Variants in FRK observed in about 807,000 individuals in gnomAD.
FRK encodes the protein tyrosine-protein kinase FRK.
A neutral mutation model predicts 56.4 loss-of-function variants in FRK; 51 were observed. That is an observed-to-expected ratio of 0.90 (90% CI 0.72 to 1.14). FRK has a LOEUF of 1.14. Among genes scored for constraint, FRK ranks in the 50% most tolerant of loss-of-function variants. FRK has a pLI of 0.00. For missense variants in FRK, 570 were observed against 601.4 expected, an observed-to-expected ratio of 0.95 and a Z score of 0.55; for synonymous variants, 245 against 217.9, an observed-to-expected ratio of 1.12 and a Z score of -1.10.
At chr6:116,096,189 A>G in the FRK span, among the ~76,000 whole-genome samples, 8 of 152,200 alleles carry the variant, frequency 5.3e-5, no homozygotes, top group African/African-American at 1.9e-4. Flanking sequence ...TGGCCTAAAG[A>G]GTTCCCCTCT....
chr6:116,063,270 C>A (rs1156343598), upstream of FRK, among the ~76,000 whole-genome samples: 1 of 152,094 alleles, frequency 6.6e-6, no homozygotes, highest in Non-Finnish European at 1.5e-5. Flanking sequence ...ATGTTTATTG[C>A]AGCACTATTC....
intron 2 of FRK, among the ~76,000 whole-genome samples, chr6:115,981,061 C>A (rs1009263668): frequency 6.6e-6 from 1 of 152,022 alleles, no homozygotes; most frequent in East Asian, 1.9e-4. Context: ...AAAAGATAAT[C>A]AAATGACACG....
chr6:115,996,813 A>G (rs984990591), intron 2 of FRK, among the ~76,000 whole-genome samples: 4 of 152,144 alleles, frequency 2.6e-5, no homozygotes, highest in African/African-American at 9.7e-5. Context: ...GCATATTTTT[A>G]CCTACAATGA....
intron 4 of FRK, among the ~76,000 whole-genome samples, chr6:115,966,177 C>T (rs1773568216): frequency 1.3e-5 from 2 of 151,562 alleles, no homozygotes; most frequent in Middle Eastern, 3.4e-3. Context: ...TCACTTAATT[C>T]TTAACTACAA....
intron 4 of FRK, among the ~76,000 whole-genome samples, chr6:115,958,097 A>C (rs1773082493): frequency 6.6e-6 from 1 of 152,356 alleles, no homozygotes; most frequent in Non-Finnish European, 1.5e-5. Flanking sequence ...TCTGAGCTCC[A>C]TCAATTCCAT....
chr6:116,047,834 G>C (rs1212867602), intron 1 of FRK, among the ~76,000 whole-genome samples: 6 of 152,238 alleles, frequency 3.9e-5, no homozygotes, highest in African/African-American at 1.4e-4. Flanking sequence ...CAATGTGCAA[G>C]TGCTTTTTAA....
chr6:115,998,520 A>G (rs1235789702), intron 2 of FRK, among the ~76,000 whole-genome samples: 2 of 152,138 alleles, frequency 1.3e-5, no homozygotes, highest in African/African-American at 4.8e-5. Context: ...AACACCAGAA[A>G]AACTCACAAC....
chr6:116,039,261 T>A (rs775486891), intron 1 of FRK: 60 of 1,491,752 alleles, frequency 4.0e-5, no homozygotes, highest in Non-Finnish European at 5.3e-5. Context: ...TGTGGGCCAT[T>A]GGTACCAGCA....
intron 1 of FRK, among the ~76,000 whole-genome samples, chr6:116,029,650 A>G (rs180938374): frequency 8.6e-4 from 131 of 152,252 alleles, no homozygotes; most frequent in Admixed American, 1.2e-3. Flanking sequence ...ATTTACATTA[A>G]CTATTCATCT....
At chr6:116,068,779 G>A in the FRK span, among the ~76,000 whole-genome samples, 3 of 151,678 alleles carry the variant, frequency 2.0e-5, no homozygotes, top group African/African-American at 7.3e-5. Context: ...TAGCTACTCA[G>A]TGAATTTCTT....
the FRK span, among the ~76,000 whole-genome samples, chr6:116,092,567 G>A: frequency 1.3e-5 from 2 of 152,286 alleles, no homozygotes; most frequent in South Asian, 2.1e-4. Flanking sequence ...GCATCAGTAA[G>A]GGCCACTAAA....
At chr6:115,959,407 G>A (rs1211910596) in intron 4 of FRK, among the ~76,000 whole-genome samples, 1 of 152,136 alleles carries the variant, frequency 6.6e-6, no homozygotes, top group Non-Finnish European at 1.5e-5. Flanking sequence ...CTAGCTAGCT[G>A]CCTCTTCTTA....
intron 5 of FRK, among the ~76,000 whole-genome samples, chr6:115,953,180 A>AATT (rs34026302): frequency 9.6e-6 from 1 of 104,060 alleles, no homozygotes; most frequent in African/African-American, 3.7e-5. Context: ...TTTTAAGGCC[A>AATT]TTTTTTTTTT....
At chr6:116,078,589 T>C in the FRK span, among the ~76,000 whole-genome samples, 1 of 152,214 alleles carries the variant, frequency 6.6e-6, no homozygotes, top group Non-Finnish European at 1.5e-5. Flanking sequence ...ATTTTCAAAA[T>C]TGTGAGATAG....
At chr6:115,986,720 A>T (rs781203184) in intron 2 of FRK, among the ~76,000 whole-genome samples, 18 of 152,126 alleles carry the variant, frequency 1.2e-4, no homozygotes, top group Non-Finnish European at 2.5e-4. Flanking sequence ...AAAAATTATG[A>T]TCTCTACTTT....
intron 1 of FRK, among the ~76,000 whole-genome samples, chr6:116,037,520 A>G (rs1393370308): frequency 2.0e-5 from 3 of 152,188 alleles, no homozygotes; most frequent in Non-Finnish European, 4.4e-5. Context: ...TAAGCACAGA[A>G]TCATGAACTT....
intron 1 of FRK, among the ~76,000 whole-genome samples, chr6:116,054,512 T>C (rs2114824250): frequency 6.9e-6 from 1 of 145,278 alleles, no homozygotes; most frequent in East Asian, 2.0e-4. Context: ...TATAATATTA[T>C]ACTATATATT....
chr6:115,952,913 G>A (rs1772824285), intron 5 of FRK, among the ~76,000 whole-genome samples: 1 of 120,592 alleles, frequency 8.3e-6, no homozygotes, highest in Non-Finnish European at 1.7e-5. Context: ...CACACTCTGG[G>A]GACTGTGGTG....
the FRK span, among the ~76,000 whole-genome samples, chr6:116,089,061 G>A: frequency 6.6e-6 from 1 of 152,320 alleles, no homozygotes; most frequent in South Asian, 2.1e-4. Context: ...AGACATGAGT[G>A]TAAGAACCAT....
Sources: allele counts gnomAD v4.1 joint callset (sites outside exome capture counted in the v4.1 genomes callset), GRCh38; gene constraint gnomAD v4.1.1; transcripts MANE v1.5; gene names NCBI Gene and HGNC (gene_info 2026-07-23, HGNC 2026-07-21).